TFB1M: variants seen among roughly 807,000 people sequenced by gnomAD.
The protein encoded by TFB1M is dimethyladenosine transferase 1, mitochondrial.
Under a neutral mutation model 31.1 loss-of-function variants are expected in TFB1M, and 27 were observed. The observed-to-expected ratio is 0.87, with a 90% confidence interval of 0.64 to 1.20. TFB1M has a LOEUF of 1.20. Ranked by LOEUF, TFB1M falls within the 50% of genes most tolerant of loss-of-function variation. The probability of loss-of-function intolerance (pLI) is 0.00; values close to 1 mark genes in which losing one functional copy is unlikely to be tolerated. For synonymous variants in TFB1M, 166 were observed against 151.8 expected, an observed-to-expected ratio of 1.09 and a Z score of -0.69; for missense variants, 394 against 418.7, an observed-to-expected ratio of 0.94 and a Z score of 0.51.
At position 155,305,151 on chromosome 6, in the gene TFB1M, A is replaced by AATATATATTAAATTATATATTTAT. The variant is rs1171011944; in HGVS notation, c.285+6013_285+6036dup. Among the ~76,000 whole-genome samples, 7 of 107,110 alleles carry AATATATATTAAATTATATATTTAT rather than the reference A, an allele frequency of 6.5e-5. 2 individuals carry two copies. The highest frequency in any genetic ancestry group is 2.8e-4 in the Admixed American group (2 of 7,220). The allele number at this position is 107,110 out of a possible 152,430, so 70.3% of individuals were successfully genotyped here. On this transcript the variant is annotated intron_variant, in intron 2 of 6. Coordinates refer to ENST00000367166, the MANE Select transcript of TFB1M (RefSeq NM_016020.4). ...ACATAATTATATATTTATATATATA[A>AATATATATTAAATTATATATTTAT]ATATATATTAAATTATATATTTATA...
At chr6:155,250,045 C>A in the TFB1M span, 2 of 1,090,158 alleles carry the variant, frequency 1.8e-6, no homozygotes, top group Non-Finnish European at 2.7e-6. Context: ...AGATAGGCTG[C>A]CCTGTTAGGA....
In TFB1M at chr6:155,256,942, A is replaced by G. The variant is rs80225928; in HGVS notation, c.*894T>C. 9.1e-4 allele frequency: 1,463 copies of G among 1,614,174 alleles called. 13 individuals carry two copies. The African/African-American group carries it at 0.018, about 19-fold the overall frequency. Reference sequence around the variant, plus strand: ...CATTAAACGAAAAGCCAACAGCACCAAGAGGGACAGAGGAACTTTGCTCAA... The same window carrying G: ...CATTAAACGAAAAGCCAACAGCACCGAGAGGGACAGAGGAACTTTGCTCAA... On this transcript the variant is annotated 3_prime_UTR_variant, in exon 7 of 7. Transcript: ENST00000367166.
the TFB1M span, among the ~76,000 whole-genome samples, chr6:155,243,129 G>A: frequency 0.082 from 12,439 of 152,162 alleles, 593 homozygotes; most frequent in Non-Finnish European, 0.099. Flanking sequence ...CTGGAACCTC[G>A]TTTGCAAGAC....
chr6:155,263,326 C>T (rs192405551), intron 5 of TFB1M, among the ~76,000 whole-genome samples: 202 of 152,274 alleles, frequency 1.3e-3, no homozygotes, highest in African/African-American at 4.6e-3. Flanking sequence ...GAAATCAGTA[C>T]AAAGGCATCA....
At chr6:155,287,321 C>T (rs9383750) in intron 4 of TFB1M, among the ~76,000 whole-genome samples, 61,425 of 151,678 alleles carry the variant, frequency 0.4, 12,880 homozygotes, top group East Asian at 0.66. Context: ...CATACTTACA[C>T]GGGCGATAGG....
At chr6:155,234,590 C>G in the TFB1M span, among the ~76,000 whole-genome samples, 1 of 152,026 alleles carries the variant, frequency 6.6e-6, no homozygotes, top group African/African-American at 2.4e-5. Flanking sequence ...TCTTTTGTAG[C>G]GATGGGTTTC....
downstream of TFB1M, chr6:155,254,454 T>C (rs1250544205): frequency 6.2e-7 from 1 of 1,613,996 alleles, no homozygotes; most frequent in South Asian, 1.1e-5. Flanking sequence ...GTTAAGGTGA[T>C]TCGTTCTATT....
At chr6:155,274,417 TAAAC>T (rs1220442711) in intron 5 of TFB1M, among the ~76,000 whole-genome samples, 1 of 152,320 alleles carries the variant, frequency 6.6e-6, no homozygotes, top group African/African-American at 2.4e-5. Context: ...CTCTTAAAAA[TAAAC>T]AAAGAAAATA....
At chr6:155,230,545 T>TGCCAGTCTC in the TFB1M span, among the ~76,000 whole-genome samples, 2 of 31,872 alleles carry the variant, frequency 6.3e-5, no homozygotes, top group Non-Finnish European at 1.2e-4. Flanking sequence ...AGGAGTGATT[T>TGCCAGTCTC]GTTCATCAAA....
At chr6:155,285,567 T>C (rs568387432) in intron 4 of TFB1M, among the ~76,000 whole-genome samples, 3 of 152,338 alleles carry the variant, frequency 2.0e-5, no homozygotes, top group South Asian at 2.1e-4. Context: ...TTATATTCTA[T>C]AGCAGAAGGT....
chr6:155,291,514 G>A (rs1278222003), intron 4 of TFB1M, among the ~76,000 whole-genome samples: 1 of 152,160 alleles, frequency 6.6e-6, no homozygotes, highest in Non-Finnish European at 1.5e-5. Flanking sequence ...AACATGCAAC[G>A]GTCCTACGTT....
chr6:155,276,083 G>A (rs1405903394), intron 5 of TFB1M: 1 of 1,614,154 alleles, frequency 6.2e-7, no homozygotes, highest in Admixed American at 1.7e-5. Flanking sequence ...CTTTGCTGGA[G>A]GAGTCTGTTT....
chr6:155,309,246 T>C (rs1327571783), intron 2 of TFB1M, among the ~76,000 whole-genome samples: 1 of 152,230 alleles, frequency 6.6e-6, no homozygotes, highest in Non-Finnish European at 1.5e-5. Flanking sequence ...GTGGTCAACT[T>C]TTTTGTTTCT....
At chr6:155,247,473 C>T in the TFB1M span, among the ~76,000 whole-genome samples, 1 of 152,008 alleles carries the variant, frequency 6.6e-6, no homozygotes, top group Non-Finnish European at 1.5e-5. Flanking sequence ...GGATTAGAGG[C>T]GCCCACCACC....
At chr6:155,263,965 C>A (rs1163355421) in intron 5 of TFB1M, 1 of 150,914 alleles carries the variant, frequency 6.6e-6, no homozygotes, top group African/African-American at 2.4e-5. Context: ...AAAAAGACCA[C>A]AGGGAATAAT....
chr6:155,308,784 C>T (rs899636730), intron 2 of TFB1M, among the ~76,000 whole-genome samples: 1 of 152,150 alleles, frequency 6.6e-6, no homozygotes, highest in Non-Finnish European at 1.5e-5. Flanking sequence ...TAAATTATTA[C>T]AATTTCTTTA....
intron 2 of TFB1M, among the ~76,000 whole-genome samples, chr6:155,302,211 T>C (rs960071101): frequency 6.6e-6 from 1 of 152,214 alleles, no homozygotes; most frequent in South Asian, 2.1e-4. Context: ...CCTTCTCATG[T>C]AAGGGGTTCA....
chr6:155,285,218 G>A lies in TFB1M; in HGVS notation c.606C>T (p.Tyr202=). 1.2e-6 allele frequency: 2 copies of A among 1,614,012 alleles called. No homozygotes were observed. The highest frequency in any genetic ancestry group is 1.7e-6 in the Non-Finnish European group (2 of 1,179,882). The part of the protein sequence containing the change: ...QRSRLSVMAQ[Y]LCNVRHIFTI... ...TAAAGATGTGTCGAACATTGCAGAG[G>A]TACTGAGCCATAACAGAGAGGCGAC... Residue 202 remains tyrosine (Y), a synonymous_variant, in exon 5 of 7, where the codon TAC becomes TAT. Transcript: ENST00000367166.
the TFB1M span, among the ~76,000 whole-genome samples, chr6:155,241,616 T>C: frequency 6.6e-6 from 1 of 152,214 alleles, no homozygotes; most frequent in African/African-American, 2.4e-5. Flanking sequence ...CCCCCTTTTG[T>C]TGATGTCGCT....
Sources: gnomAD v4.1 joint callset for allele counts (sites outside exome capture counted in the v4.1 genomes callset) on GRCh38, gnomAD v4.1.1 for gene constraint, MANE v1.5 for transcripts, NCBI Gene and HGNC (gene_info 2026-07-23, HGNC 2026-07-21) for gene names.